Variants in ACBD6 observed in about 807,000 individuals in gnomAD.
The protein encoded by ACBD6 is acyl-CoA binding domain containing 6.
Under a neutral mutation model 37.2 loss-of-function variants are expected in ACBD6, and 28 were observed. That is an observed-to-expected ratio of 0.75 (90% CI 0.56 to 1.03). The LOEUF is 1.03. Among genes scored for constraint, ACBD6 ranks in the 50% least tolerant of loss-of-function variants. The pLI is 0.00. For synonymous variants in ACBD6, 113 were observed against 126.8 expected, an observed-to-expected ratio of 0.89 and a Z score of 0.73; for missense variants, 340 against 337.4, an observed-to-expected ratio of 1.01 and a Z score of -0.06.
intron 3 of ACBD6, among the ~76,000 whole-genome samples, chr1:180,463,453 A>G (rs1001939891): frequency 2.0e-5 from 3 of 152,188 alleles, no homozygotes; most frequent in South Asian, 2.1e-4. Context: ...TAAAAACTCT[A>G]TAAGAAATGG....
chr1:180,280,324 CTTTGT>C (rs1232775537), intron 9 of ACBD6, among the ~76,000 whole-genome samples: 4 of 151,680 alleles, frequency 2.6e-5, no homozygotes, highest in African/African-American at 7.3e-5. Flanking sequence ...CCCTCTCCCC[CTTTGT>C]TTTTTCTCCT....
intron 3 of ACBD6, among the ~76,000 whole-genome samples, chr1:180,436,988 T>C (rs1193103997): frequency 6.6e-6 from 1 of 152,212 alleles, no homozygotes. Flanking sequence ...AATGCTATCA[T>C]ATCTCCTTAA....
chr1:180,485,386 G>A (rs1332014813), intron 3 of ACBD6, among the ~76,000 whole-genome samples: 1 of 152,150 alleles, frequency 6.6e-6, no homozygotes, highest in Non-Finnish European at 1.5e-5. Flanking sequence ...ATAGGATCTT[G>A]GCAGATGTAA....
intron 3 of ACBD6, among the ~76,000 whole-genome samples, chr1:180,448,774 T>A (rs575208858): frequency 6.6e-6 from 1 of 152,320 alleles, no homozygotes; most frequent in South Asian, 2.1e-4. Context: ...ACTCTACTGC[T>A]TCCTTCTGCT....
At chr1:180,438,441 C>T (rs556585901) in intron 3 of ACBD6, 18 of 152,700 alleles carry the variant, frequency 1.2e-4, no homozygotes, top group East Asian at 5.8e-4. Context: ...CTTCTATTGG[C>T]GCCATTCATT....
intron 7 of ACBD6, among the ~76,000 whole-genome samples, chr1:180,304,457 A>G (rs576294978): frequency 6.6e-6 from 1 of 150,510 alleles, no homozygotes; most frequent in East Asian, 1.9e-4. Flanking sequence ...TTCTTATACA[A>G]CAATAACAGA....
At chr1:180,381,874 G>A (rs562342110) in intron 6 of ACBD6, among the ~76,000 whole-genome samples, 30 of 152,122 alleles carry the variant, frequency 2.0e-4, no homozygotes, top group African/African-American at 6.5e-4. Flanking sequence ...TTGGGAGGCC[G>A]AGGTGGGCAG....
intron 6 of ACBD6, among the ~76,000 whole-genome samples, chr1:180,332,302 CA>C (rs897155105): frequency 6.6e-6 from 1 of 152,190 alleles, no homozygotes; most frequent in Non-Finnish European, 1.5e-5. Context: ...TCCCCTTCCC[CA>C]CTACAATCTG....
intron 6 of ACBD6, among the ~76,000 whole-genome samples, chr1:180,349,193 G>T (rs1652305198): frequency 6.6e-6 from 1 of 151,538 alleles, no homozygotes; most frequent in Admixed American, 6.6e-5. Context: ...TGCATGTCAG[G>T]GGCCATGCTA....
chr1:180,422,386 T>G (rs1379300637), intron 4 of ACBD6, among the ~76,000 whole-genome samples: 1 of 152,020 alleles, frequency 6.6e-6, no homozygotes, highest in Non-Finnish European at 1.5e-5. Flanking sequence ...TTGTATTTTT[T>G]GCAGAGATGG....
intron 6 of ACBD6, among the ~76,000 whole-genome samples, chr1:180,376,019 G>A (rs932474249): frequency 3.9e-5 from 6 of 152,098 alleles, no homozygotes; most frequent in African/African-American, 1.4e-4. Context: ...GAAAAATGGG[G>A]AAAAATGTGA....
chr1:180,364,963 G>A (rs1014660092), intron 6 of ACBD6, among the ~76,000 whole-genome samples: 3 of 152,086 alleles, frequency 2.0e-5, no homozygotes, highest in African/African-American at 7.2e-5. Context: ...TCAATCTTCT[G>A]ACCTCGTGAT....
At chr1:180,310,512 T>C (rs889029843) in intron 7 of ACBD6, among the ~76,000 whole-genome samples, 3 of 152,240 alleles carry the variant, frequency 2.0e-5, no homozygotes, top group East Asian at 1.9e-4. Flanking sequence ...TGTATGTGCA[T>C]ATATGTATAT....
At chr1:180,376,584 A>G (rs1435686317) in intron 6 of ACBD6, among the ~76,000 whole-genome samples, 1 of 152,186 alleles carries the variant, frequency 6.6e-6, no homozygotes, top group Non-Finnish European at 1.5e-5. Context: ...GAGTATCTTT[A>G]GTATGTTACC....
chr1:180,337,333 G>T (rs1651772313), intron 6 of ACBD6, among the ~76,000 whole-genome samples: 1 of 152,138 alleles, frequency 6.6e-6, no homozygotes, highest in African/African-American at 2.4e-5. Context: ...TCCCTGGGAT[G>T]CAAGGCTGGT....
chr1:180,370,378 T>C (rs1653216734), intron 6 of ACBD6, among the ~76,000 whole-genome samples: 1 of 151,942 alleles, frequency 6.6e-6, no homozygotes, highest in Admixed American at 6.6e-5. Flanking sequence ...GCTGAGGGAG[T>C]ATCTATCTAT....
intron 6 of ACBD6, among the ~76,000 whole-genome samples, chr1:180,385,678 T>C (rs1653821890): frequency 1.3e-5 from 2 of 151,974 alleles, no homozygotes; most frequent in African/African-American, 2.4e-5. Context: ...GAAAGGCCCG[T>C]GAGGACCCAG....
chr1:180,395,139 A>C (rs1044747243), intron 6 of ACBD6, among the ~76,000 whole-genome samples: 1 of 152,204 alleles, frequency 6.6e-6, no homozygotes, highest in Admixed American at 6.5e-5. Context: ...GTCCATTTAC[A>C]TGGTACTAGT....
chr1:180,483,784 ATGAC>A (rs1369949731), intron 3 of ACBD6, among the ~76,000 whole-genome samples: 4 of 152,154 alleles, frequency 2.6e-5, no homozygotes, highest in African/African-American at 9.7e-5. Context: ...CCTAGTGTAT[ATGAC>A]TAAGATACCA....
Sources: gnomAD v4.1 joint callset for allele counts (sites outside exome capture counted in the v4.1 genomes callset) on GRCh38, gnomAD v4.1.1 for gene constraint, MANE v1.5 for transcripts, NCBI Gene and HGNC (gene_info 2026-07-23, HGNC 2026-07-21) for gene names.